The following DLG1 variants were observed in gnomAD, a reference collection of about 807,000 sequenced individuals.
The protein encoded by DLG1 is disks large homolog 1.
DLG1 carries 42 observed loss-of-function variants against 123.4 expected under a neutral mutation model. The observed-to-expected ratio is 0.34, with a 90% CI of 0.27 to 0.44. The LOEUF (loss-of-function observed/expected upper bound fraction) is 0.44, where lower values mean the gene tolerates loss of function less well. Among genes scored for constraint, DLG1 ranks in the 20% least tolerant of loss-of-function variants. The pLI is 1.00. For missense variants in DLG1, 942 were observed against 1,082.6 expected, an observed-to-expected ratio of 0.87 and a Z score of 1.82; for synonymous variants, 317 against 356.2, an observed-to-expected ratio of 0.89 and a Z score of 1.24.
intron 7 of DLG1, among the ~76,000 whole-genome samples, chr3:197,141,857 T>G (rs541883058): frequency 1.3e-5 from 2 of 152,118 alleles, no homozygotes; most frequent in South Asian, 4.1e-4. Context: ...CAGGTCTGCG[T>G]TACCACACCT....
At chr3:197,212,249 T>C (rs1456250157) in intron 4 of DLG1, among the ~76,000 whole-genome samples, 1 of 146,364 alleles carries the variant, frequency 6.8e-6, no homozygotes, top group Non-Finnish European at 1.5e-5. Flanking sequence ...CTACCGCTAA[T>C]GCACACAATG....
At chr3:197,156,474 T>C (rs1375048007) in intron 5 of DLG1, among the ~76,000 whole-genome samples, 3 of 152,158 alleles carry the variant, frequency 2.0e-5, no homozygotes, top group Non-Finnish European at 2.9e-5. Context: ...ATAATTACTT[T>C]AAATGTAAAT....
chr3:197,121,581 T>G (rs1431335954), intron 11 of DLG1, among the ~76,000 whole-genome samples: 1 of 152,066 alleles, frequency 6.6e-6, no homozygotes, highest in Non-Finnish European at 1.5e-5. Context: ...AGACTTCTTT[T>G]TTTTCCTACT....
At chr3:197,262,741 G>A (rs939193119) in intron 4 of DLG1, among the ~76,000 whole-genome samples, 2 of 152,098 alleles carry the variant, frequency 1.3e-5, no homozygotes, top group Non-Finnish European at 2.9e-5. Context: ...TTGAATTATA[G>A]GACACCCAGT....
At chr3:197,152,068 T>C (rs1483487106) in intron 5 of DLG1, among the ~76,000 whole-genome samples, 1 of 152,100 alleles carries the variant, frequency 6.6e-6, no homozygotes, top group Non-Finnish European at 1.5e-5. Context: ...AGCATTTCTA[T>C]AGCTTCCTAT....
intron 24 of DLG1, among the ~76,000 whole-genome samples, chr3:197,049,607 C>T (rs1026831302): frequency 1.3e-5 from 2 of 152,166 alleles, no homozygotes; most frequent in Non-Finnish European, 2.9e-5. Flanking sequence ...ACAAAATTAG[C>T]TGGGCATGGT....
At chr3:197,170,777 A>C (rs1266304338) in intron 5 of DLG1, among the ~76,000 whole-genome samples, 1 of 152,108 alleles carries the variant, frequency 6.6e-6, no homozygotes, top group Admixed American at 6.6e-5. Context: ...TTGCAATTGC[A>C]TGGTGTCTTC....
At chr3:197,237,021 T>TA (rs1285137811) in intron 4 of DLG1, among the ~76,000 whole-genome samples, 1 of 152,008 alleles carries the variant, frequency 6.6e-6, no homozygotes, top group Non-Finnish European at 1.5e-5. Flanking sequence ...CAACCCACAA[T>TA]AACTAGCGTC....
At chr3:197,065,875 C>G (rs1739172490) in intron 20 of DLG1, 66 bp from the exon 21 acceptor site, 1 of 1,075,422 alleles carries the variant, frequency 9.3e-7, no homozygotes, top group Non-Finnish European at 1.4e-6. Flanking sequence ...TTTTATTTCA[C>G]CAGCGAACAA....
chr3:197,275,891 A>G (rs1766190346), intron 4 of DLG1, among the ~76,000 whole-genome samples: 1 of 152,244 alleles, frequency 6.6e-6, no homozygotes, highest in African/African-American at 2.4e-5. Flanking sequence ...AATATTCTCA[A>G]CACAAAGAAA....
At position 197,254,613 on chromosome 3, in the gene DLG1, A is replaced by C. The variant is rs968390949; in HGVS notation, c.318+28066T>G. Reference sequence around the variant, plus strand: ...TGTTAGAACTATTATAGCAGAAAAGAACTTTAAAATGGCAATTTTTAAATA... The same window carrying C: ...TGTTAGAACTATTATAGCAGAAAAGCACTTTAAAATGGCAATTTTTAAATA... On this transcript the variant is annotated intron_variant, in intron 4 of 24. Coordinates refer to ENST00000667157, the MANE Select transcript of DLG1 (RefSeq NM_001366207.1). Among the ~76,000 whole-genome samples the C allele has an allele frequency of 3.3e-5, 5 of 152,350 alleles. 1 individual carries two copies. Among genetic ancestry groups the C allele is most frequent in the Admixed American group, 3.3e-4 (5 of 15,306 alleles).
chr3:197,150,885 C>T (rs1309222503), intron 5 of DLG1, among the ~76,000 whole-genome samples: 1 of 151,990 alleles, frequency 6.6e-6, no homozygotes, highest in African/African-American at 2.4e-5. Flanking sequence ...ATTTGGGCTA[C>T]ATCAAGCAGT....
chr3:197,075,317 CAAAAAAAAAA>C (rs58384491), intron 18 of DLG1, among the ~76,000 whole-genome samples: 2 of 90,296 alleles, frequency 2.2e-5, no homozygotes, highest in Non-Finnish European at 4.4e-5. Flanking sequence ...ATAACTTTCT[CAAAAAAAAAA>C]AAAAAAAAAA....
intron 5 of DLG1, among the ~76,000 whole-genome samples, chr3:197,173,921 T>C (rs903347536): frequency 2.6e-5 from 4 of 152,046 alleles, no homozygotes; most frequent in African/African-American, 9.7e-5. Context: ...CTGGCCAACA[T>C]GGCGAAACCC....
chr3:197,279,874 A>T (rs1768341342), intron 4 of DLG1, among the ~76,000 whole-genome samples: 1 of 152,350 alleles, frequency 6.6e-6, no homozygotes, highest in Admixed American at 6.5e-5. Context: ...TTATTGATAT[A>T]TAATGGTATG....
intron 18 of DLG1, among the ~76,000 whole-genome samples, chr3:197,076,063 G>T (rs561179387): frequency 6.6e-6 from 1 of 152,256 alleles, no homozygotes; most frequent in African/African-American, 2.4e-5. Context: ...TCTACCAAAA[G>T]AATGAAAGTT....
chr3:197,196,339 T>A (rs1722508814), intron 4 of DLG1, among the ~76,000 whole-genome samples: 1 of 152,126 alleles, frequency 6.6e-6, no homozygotes, highest in Non-Finnish European at 1.5e-5. Flanking sequence ...TTCGATAGGA[T>A]ATAAGAATAA....
At chr3:197,297,937 C>A in intron 1 of DLG1, 1 of 983,018 alleles carries the variant, frequency 1.0e-6, no homozygotes, top group Non-Finnish European at 1.2e-6. Flanking sequence ...GGCGAAGGGA[C>A]GGGGGAGGAG....
chr3:197,178,970 G>A (rs1808623361), intron 5 of DLG1, among the ~76,000 whole-genome samples: 1 of 152,120 alleles, frequency 6.6e-6, no homozygotes, highest in African/African-American at 2.4e-5. Context: ...AGAGAGAAAG[G>A]GATTTCAGAA....
Sources: allele counts gnomAD v4.1 joint callset (sites outside exome capture counted in the v4.1 genomes callset), GRCh38; gene constraint gnomAD v4.1.1; transcripts MANE v1.5; gene names NCBI Gene and HGNC (gene_info 2026-07-23, HGNC 2026-07-21).